The following ANGPTL4 variants were observed in gnomAD, a reference collection of about 807,000 sequenced individuals.
ANGPTL4 encodes angiopoietin like 4.
A neutral mutation model predicts 39.2 loss-of-function variants in ANGPTL4; 39 were observed. That is an observed-to-expected ratio of 1.00 (90% CI 0.77 to 1.30). The LOEUF (loss-of-function observed/expected upper bound fraction) is 1.30, where lower values mean the gene tolerates loss of function less well. ANGPTL4 is among the 50% of genes most tolerant of loss of function. ANGPTL4 has a pLI of 0.00. For synonymous variants in ANGPTL4, 233 were observed against 229.5 expected (o/e 1.02, Z -0.14); for missense variants, 545 against 549.8 (o/e 0.99, Z 0.09).
intron 3 of ANGPTL4, 26 bp downstream of exon 3, chr19:8,366,345 C>T (rs770114461): frequency 6.2e-7 from 1 of 1,606,316 alleles, no homozygotes; most frequent in Non-Finnish European, 8.5e-7. Context: ...TCGATGCTCT[C>T]CGGTGGCCAC....
chr19:8,365,824 A>G, intron 1 of ANGPTL4, 130 bp from the exon 2 acceptor site: 1 of 767,092 alleles, frequency 1.3e-6, no homozygotes, highest in Non-Finnish European at 2.3e-6. Flanking sequence ...TCATTGGGAA[A>G]AAAAAGAAAA....
Position 8,373,948 on chromosome 19 carries a change from A to G in ANGPTL4, c.*62A>G. The G allele has an allele frequency of 1.3e-6, 2 of 1,580,538 alleles. No homozygotes were observed. Among genetic ancestry groups the G allele is most frequent in the Non-Finnish European group, 1.7e-6 (2 of 1,155,324 alleles). ...CGGTGACTCTTGGCTCTGCCCGAGG[A>G]TGTGGCCGTTCCCTGCCTGGGCAGG... is the stretch of plus-strand genomic sequence containing the variant. On this transcript the variant is annotated 3_prime_UTR_variant, in exon 7 of 7. Transcript: ENST00000301455.
intron 3 of ANGPTL4, among the ~76,000 whole-genome samples, chr19:8,367,994 G>A (rs762959339): frequency 6.8e-6 from 1 of 146,372 alleles, no homozygotes; most frequent in Non-Finnish European, 1.5e-5. Flanking sequence ...CCGCCACCAC[G>A]CCCAGCTAAT....
rs33922743 is a variant in ANGPTL4 at position 8,370,700 on chromosome 19, T to TAAAA, written c.662-338_662-335dup. Among the ~76,000 whole-genome samples the TAAAA allele has an allele frequency of 1.8e-4, 18 of 99,240 alleles. 1 individual carries two copies. Among genetic ancestry groups the TAAAA allele is most frequent in the African/African-American group, 5.1e-4 (13 of 25,406 alleles). The allele number at this position is 99,240 out of a possible 152,430, so 65.1% of individuals were successfully genotyped here. A position where few individuals can be genotyped will look rare whatever the true frequency, so the allele number is the denominator to read the frequency against. On this transcript the variant is annotated intron_variant, in intron 4 of 6. Transcript: ENST00000301455. ...GGGCAACAGAGTGAGACTCCATCTC[T>TAAAA]AAAAAAAAAAAAAAAAAAAAAGAAA...
chr19:8,371,058 G>A lies in ANGPTL4; in HGVS notation c.664G>A (p.Gly222Arg). ...TGACCTTGTACCTTTCTGGGCAGATGGAGGCTGGACAGTAATTCAGAGGCG... is the reference window on the plus strand; with the variant it reads ...TGACCTTGTACCTTTCTGGGCAGATAGAGGCTGGACAGTAATTCAGAGGCG... ...FLVNCKMTSD[G>R]GWTVIQRRHD... is the part of the protein sequence containing the mutation. The change falls in exon 5 of 7, where the codon GGA (glycine) becomes AGA (arginine). Residue 222 changes from glycine to arginine, a missense_variant and splice_region_variant. Coordinates refer to ENST00000301455, the MANE Select transcript of ANGPTL4 (RefSeq NM_139314.3). The surrounding 1 kb of genome is among the most constrained non-coding windows in gnomAD (Gnocchi z 5.1). 2 of 1,591,558 alleles carry A rather than the reference G, an allele frequency of 1.3e-6. No individual in the cohort carries two copies. Among genetic ancestry groups the A allele is most frequent in the Admixed American group, 1.8e-5 (1 of 55,810 alleles).
rs570859875 is a variant in ANGPTL4, at chr19:8,371,461, C to T, written c.978C>T (p.Phe326=). The change falls in exon 6 of 7, where the codon TTC becomes TTT. Residue 326 remains phenylalanine (F), a synonymous_variant. Coordinates refer to ENST00000301455, the MANE Select transcript of ANGPTL4 (RefSeq NM_139314.3). The surrounding 1 kb of genome is among the most constrained non-coding windows in gnomAD (Gnocchi z 5.1). ...TVPPSGLSVP[F]STWDQDHDLR... Reference sequence around the variant, plus strand: ...CACCCAGCGGCCTCTCCGTACCCTTCTCCACTTGGGACCAGGATCACGACC... The same window carrying T: ...CACCCAGCGGCCTCTCCGTACCCTTTTCCACTTGGGACCAGGATCACGACC... The T allele has an allele frequency of 1.9e-6, 3 of 1,613,382 alleles. No homozygotes were observed. The East Asian group carries it at 6.7e-5, about 36-fold the overall frequency.
chr19:8,366,887 G>T (rs1404027903), intron 3 of ANGPTL4, among the ~76,000 whole-genome samples: 1 of 67,882 alleles, frequency 1.5e-5, no homozygotes, highest in African/African-American at 5.7e-5. Flanking sequence ...CGCCCCCGCC[G>T]GCCCCCTCCC....
Position 8,366,302 on chromosome 19 carries a change from A to G in ANGPTL4, c.530A>G (p.Asn177Ser), listed in dbSNP as rs773686683. 13 of 1,613,550 alleles carry G rather than the reference A, an allele frequency of 8.1e-6. No homozygotes were observed. Among genetic ancestry groups the G allele is most frequent in the South Asian group, 6.6e-5 (6 of 91,044 alleles). ...EMAQPVDPAH[N>S]VSRLHRLPRD... is the part of the protein sequence containing the mutation. ...GCCCAGCCAGTTGACCCGGCTCACAATGTCAGCCGCCTGCACCGTGAGTGT... is the reference window on the plus strand; with the variant it reads ...GCCCAGCCAGTTGACCCGGCTCACAGTGTCAGCCGCCTGCACCGTGAGTGT... Residue 177 changes from asparagine (N) to serine (S), a missense_variant, in exon 3 of 7, where the codon AAT becomes AGT. By Grantham distance (46) the Asn-to-Ser change is conservative. Coordinates refer to ENST00000301455, the MANE Select transcript of ANGPTL4 (RefSeq NM_139314.3).
chr19:8,368,712 G>A (rs1223854340), intron 3 of ANGPTL4, among the ~76,000 whole-genome samples: 1 of 152,198 alleles, frequency 6.6e-6, no homozygotes, highest in African/African-American at 2.4e-5. Flanking sequence ...GCAAAAACTA[G>A]TCGGGCGTGG....
Position 8,374,005 on chromosome 19 carries a change from GGACAGAGAAGAAGACCACGACTGGA to G in ANGPTL4, c.*122_*146del. ...AAGGAGGGGCCATCTGGAAACTTGT[GGACAGAGAAGAAGACCACGACTGGA>G]GAAGCCCCCTTTCTGAGTGCAGGGG... On this transcript the variant is annotated 3_prime_UTR_variant, in exon 7 of 7. Coordinates refer to ENST00000301455, the MANE Select transcript of ANGPTL4 (RefSeq NM_139314.3). 1 of 1,167,778 alleles carries G rather than the reference GGACAGAGAAGAAGACCACGACTGGA, an allele frequency of 8.6e-7. No individual in the cohort carries two copies. The highest frequency in any genetic ancestry group is 1.2e-6 in the Non-Finnish European group (1 of 801,946). The allele number at this position is 1,167,778 out of a possible 1,614,324, so 72.3% of individuals were successfully genotyped here. A position where few individuals can be genotyped will look rare whatever the true frequency, so the allele number is the denominator to read the frequency against.
chr19:8,366,055 G>A lies in ANGPTL4; in HGVS notation c.420G>A (p.Leu140=), dbSNP rs1484144803. ...AGCAGCACCTGCGAATTCAGCATCT[G>A]CAAAGCCAGGTAACCCTAGGATCAA... ...LEKQHLRIQH[L]QSQFGLLDHK... Residue 140 remains leucine, a synonymous_variant, in exon 2 of 7, where the codon CTG becomes CTA. Coordinates refer to ENST00000301455, the MANE Select transcript of ANGPTL4 (RefSeq NM_139314.3). The A allele has an allele frequency of 6.2e-7, 1 of 1,614,002 alleles. No homozygotes were observed. Among genetic ancestry groups the A allele is most frequent in the Non-Finnish European group, 8.5e-7 (1 of 1,180,008 alleles).
chr19:8,371,087 C>T lies in ANGPTL4; in HGVS notation c.693C>T (p.His231=), dbSNP rs1320906928. 12 of 1,607,224 alleles carry T rather than the reference C, an allele frequency of 7.5e-6. No homozygotes were observed. Among genetic ancestry groups the T allele is most frequent in the Non-Finnish European group, 2.5e-6 (3 of 1,176,904 alleles). Residue 231 remains histidine, a synonymous_variant, in exon 5 of 7, where the codon CAC becomes CAT. Coordinates refer to ENST00000301455, the MANE Select transcript of ANGPTL4 (RefSeq NM_139314.3). This position sits in a 1 kb window ranked among gnomAD's most constrained non-coding sequence, Gnocchi z 5.1. ...GCTGGACAGTAATTCAGAGGCGCCA[C>T]GATGGCTCAGTGGACTTCAACCGGC... is the stretch of plus-strand genomic sequence containing the variant. ...DGGWTVIQRR[H]DGSVDFNRPW...
chr19:8,365,588 G>A (rs1970985951), intron 1 of ANGPTL4, among the ~76,000 whole-genome samples: 1 of 152,202 alleles, frequency 6.6e-6, no homozygotes, highest in South Asian at 2.1e-4. Flanking sequence ...CTGGGAGGCA[G>A]AGGTTGCAGT....
chr19:8,373,850 G>A lies in ANGPTL4; in HGVS notation c.1185G>A (p.Met395Ile). ...GRYYPLQATT[M>I]LIQPMAAEAA... is the part of the protein sequence containing the mutation. ...ACTACCCGCTGCAGGCCACCACCATGTTGATCCAGCCCATGGCAGCAGAGG... is the reference window on the plus strand; with the variant it reads ...ACTACCCGCTGCAGGCCACCACCATATTGATCCAGCCCATGGCAGCAGAGG... The change falls in exon 7 of 7, where the codon ATG becomes ATA. Residue 395 changes from methionine to isoleucine, a missense_variant. By Grantham distance (10) the Met-to-Ile change is conservative (BLOSUM62 1). Coordinates refer to ENST00000301455, the MANE Select transcript of ANGPTL4 (RefSeq NM_139314.3). 2 of 1,613,762 alleles carry A rather than the reference G, an allele frequency of 1.2e-6. No individual in the cohort carries two copies. The highest frequency in any genetic ancestry group is 1.7e-6 in the Non-Finnish European group (2 of 1,179,980).
Position 8,364,198 on chromosome 19 carries a change from C to T in ANGPTL4, c.-124C>T. On this transcript the variant is annotated 5_prime_UTR_variant, in exon 1 of 7. Transcript: ENST00000301455. ...ATCCTCACACGACTGTGATCCGATT[C>T]TTTCCAGCGGCTTCTGCAACCAAGC... 9.8e-7 allele frequency: 1 copy of T among 1,023,486 alleles called. No individual in the cohort carries two copies. The highest frequency in any genetic ancestry group is 1.4e-6 in the Non-Finnish European group (1 of 713,662). 63.4% of individuals were successfully genotyped at this position (1,023,486 alleles called of 1,614,324 possible).
At chr19:8,364,707 G>C (rs1599666707) in intron 1 of ANGPTL4, 68 bp downstream of exon 1, 8 of 1,536,204 alleles carry the variant, frequency 5.2e-6, no homozygotes, top group Non-Finnish European at 7.0e-6. Flanking sequence ...GTATGGACAG[G>C]AGTGGGGCGT....
chr19:8,372,392 C>CTTT (rs34408253), intron 6 of ANGPTL4, among the ~76,000 whole-genome samples: 4 of 110,312 alleles, frequency 3.6e-5, no homozygotes, highest in Non-Finnish European at 7.4e-5. Flanking sequence ...CCACAGGATT[C>CTTT]TTTTTTTTTT....
intron 3 of ANGPTL4, among the ~76,000 whole-genome samples, chr19:8,366,645 C>T (rs572942625): frequency 8.6e-5 from 13 of 151,978 alleles, no homozygotes; most frequent in Non-Finnish European, 1.5e-4. Context: ...AAATGGGGTT[C>T]GGGGTGCCAT....
Position 8,373,785 on chromosome 19 carries a change from C to G in ANGPTL4, c.1120C>G (p.Leu374Val). 6.2e-7 allele frequency: 1 copy of G among 1,614,098 alleles called. No individual in the cohort carries two copies. The highest frequency in any genetic ancestry group is 8.5e-7 in the Non-Finnish European group (1 of 1,180,040). The change falls in exon 7 of 7, where the codon CTT becomes GTT. Residue 374 changes from leucine to valine, a missense_variant. By Grantham distance (32) the Leu-to-Val change is conservative. Transcript: ENST00000301455. The stretch of plus-strand genomic sequence containing the variant: ...CTCCATCCCACAGCAGCGGCAGAAG[C>G]TTAAGAAGGGAATCTTCTGGAAGAC... ...FRSIPQQRQK[L>V]KKGIFWKTWR... is the part of the protein sequence containing the mutation.
Sources: gnomAD v4.1 joint callset for allele counts (sites outside exome capture counted in the v4.1 genomes callset) on GRCh38, gnomAD v4.1.1 for gene constraint, Gnocchi (gnomAD v3.1) non-coding constraint, MANE v1.5 for transcripts, NCBI Gene and HGNC (gene_info 2026-07-23, HGNC 2026-07-21) for gene names.